Variants in GALNT17 observed in about 807,000 individuals in gnomAD.
GALNT17 encodes UDP-GalNAc:polypeptide N-acetylgalactosaminyltransferase-like 3.
In GALNT17, 29 loss-of-function variants were observed where a neutral mutation model predicts 63.7. The ratio of observed to expected loss-of-function variants is 0.46; its 90% confidence interval spans 0.34 to 0.62. GALNT17 has a LOEUF of 0.62. Ranked by LOEUF, GALNT17 falls within the 20% of genes least tolerant of loss-of-function variation. GALNT17 has a pLI of 0.01. For missense variants in GALNT17, 603 were observed against 799.6 expected, an observed-to-expected ratio of 0.75 and a Z score of 2.97; for synonymous variants, 305 against 318.3, an observed-to-expected ratio of 0.96 and a Z score of 0.45.
chr7:71,666,627 T>TC (rs2117048801), intron 7 of GALNT17, among the ~76,000 whole-genome samples: 1 of 152,102 alleles, frequency 6.6e-6, no homozygotes, highest in East Asian at 1.9e-4. Context: ...ATAGCTTAGC[T>TC]CCCACATATC....
At chr7:71,499,260 A>G (rs1788143029) in intron 5 of GALNT17, among the ~76,000 whole-genome samples, 1 of 152,210 alleles carries the variant, frequency 6.6e-6, no homozygotes, top group Non-Finnish European at 1.5e-5. Context: ...GAGTGGAGTC[A>G]TGATTTACTG....
chr7:71,277,056 G>A (rs373980982), intron 1 of GALNT17, among the ~76,000 whole-genome samples: 4 of 152,012 alleles, frequency 2.6e-5, no homozygotes, highest in Admixed American at 6.6e-5. Context: ...TCTTCATAGC[G>A]GTATGAAAAT....
rs1201680356 is a variant in GALNT17 at position 71,308,199 on chromosome 7, A to G, written c.239-27351A>G. 2.6e-5 allele frequency among the ~76,000 whole-genome samples: 4 copies of G among 152,126 alleles called. 1 individual carries two copies. The highest frequency in any genetic ancestry group is 2.9e-5 in the Non-Finnish European group (2 of 68,030). On this transcript the variant is annotated intron_variant, in intron 1 of 10. Transcript: ENST00000333538. The stretch of plus-strand genomic sequence containing the variant: ...CACTATTCTTGTCGTGGTGACTCAC[A>G]TTTGTCAAGCCTTGAAGGATATTTG...
chr7:71,160,500 C>G (rs576540063), intron 1 of GALNT17, among the ~76,000 whole-genome samples: 46 of 152,282 alleles, frequency 3.0e-4, no homozygotes, highest in African/African-American at 1.0e-3. Context: ...CTCTTGTTGC[C>G]TAGGCTGGAG....
chr7:71,335,810 T>C, intron 2 of GALNT17, 77 bp downstream of exon 2: 1 of 1,252,426 alleles, frequency 8.0e-7, no homozygotes, highest in East Asian at 2.7e-5. Context: ...TGTGATATTT[T>C]CCACTGTTAT....
intron 1 of GALNT17, among the ~76,000 whole-genome samples, chr7:71,178,571 AT>A (rs1442307619): frequency 6.6e-6 from 1 of 151,926 alleles, no homozygotes; most frequent in Non-Finnish European, 1.5e-5. Flanking sequence ...GCTCTGTTCT[AT>A]TTTTTAAGTC....
At chr7:71,271,034 A>G (rs1790579284) in intron 1 of GALNT17, among the ~76,000 whole-genome samples, 1 of 152,130 alleles carries the variant, frequency 6.6e-6, no homozygotes, top group African/African-American at 2.4e-5. Context: ...TTCCATTTAC[A>G]CTTATATAAT....
intron 3 of GALNT17, among the ~76,000 whole-genome samples, chr7:71,414,723 T>G (rs894396809): frequency 2.6e-5 from 4 of 152,226 alleles, no homozygotes; most frequent in African/African-American, 9.6e-5. Context: ...CCAGAACTCC[T>G]GGCATGGTGC....
intron 2 of GALNT17, among the ~76,000 whole-genome samples, chr7:71,345,694 T>C (rs1792078162): frequency 6.6e-6 from 1 of 152,154 alleles, no homozygotes; most frequent in Non-Finnish European, 1.5e-5. Flanking sequence ...ATGTGAGTCC[T>C]GGTCTTATAA....
chr7:71,659,122 A>C (rs10262605), intron 6 of GALNT17, among the ~76,000 whole-genome samples: 96,168 of 152,060 alleles, frequency 0.63, 30,668 homozygotes, highest in East Asian at 0.74. Flanking sequence ...ACCTCCAGGT[A>C]ATTGCCTGGT....
chr7:71,552,168 T>G (rs183693330), intron 5 of GALNT17, among the ~76,000 whole-genome samples: 1 of 151,768 alleles, frequency 6.6e-6, no homozygotes, highest in Non-Finnish European at 1.5e-5. Context: ...CCTCAGCCTC[T>G]TGCATAGCTG....
intron 9 of GALNT17, among the ~76,000 whole-genome samples, chr7:71,708,854 C>T (rs899568904): frequency 2.6e-5 from 4 of 152,088 alleles, no homozygotes; most frequent in Admixed American, 6.5e-5. Flanking sequence ...GAATAATGGC[C>T]TCCAGCTGCA....
intron 1 of GALNT17, among the ~76,000 whole-genome samples, chr7:71,324,635 G>T (rs748289349): frequency 6.6e-6 from 1 of 152,256 alleles, no homozygotes; most frequent in South Asian, 2.1e-4. Flanking sequence ...TGCAGCCTGG[G>T]TGACAGAGTG....
intron 1 of GALNT17, among the ~76,000 whole-genome samples, chr7:71,228,278 A>G (rs1183945842): frequency 6.6e-6 from 1 of 152,124 alleles, no homozygotes; most frequent in Non-Finnish European, 1.5e-5. Context: ...CGTTAAGTCT[A>G]TGCTAGTGGC....
At chr7:71,510,663 G>C (rs961589357) in intron 5 of GALNT17, among the ~76,000 whole-genome samples, 1 of 152,136 alleles carries the variant, frequency 6.6e-6, no homozygotes, top group African/African-American at 2.4e-5. Context: ...TCCTTACCAG[G>C]CTTCCTCTCC....
intron 6 of GALNT17, among the ~76,000 whole-genome samples, chr7:71,573,955 C>T (rs1299896343): frequency 6.6e-6 from 1 of 152,110 alleles, no homozygotes; most frequent in Non-Finnish European, 1.5e-5. Flanking sequence ...TGCATTAATT[C>T]GATTAGGATA....
At chr7:71,319,689 C>T (rs1791568455) in intron 1 of GALNT17, among the ~76,000 whole-genome samples, 1 of 152,202 alleles carries the variant, frequency 6.6e-6, no homozygotes, top group African/African-American at 2.4e-5. Flanking sequence ...TAACCCAAGT[C>T]CCTTTTCTCC....
At chr7:71,597,241 A>G (rs139986386) in intron 6 of GALNT17, among the ~76,000 whole-genome samples, 4,847 of 151,836 alleles carry the variant, frequency 0.032, 265 homozygotes, top group African/African-American at 0.11. Context: ...GGGTTTCACC[A>G]TGTTAGCCAG....
chr7:71,282,021 C>T (rs551055783), intron 1 of GALNT17, among the ~76,000 whole-genome samples: 4 of 152,158 alleles, frequency 2.6e-5, no homozygotes, highest in Non-Finnish European at 5.9e-5. Context: ...TCAATGTTCT[C>T]CAAGCCTCTC....
Sources: allele counts gnomAD v4.1 joint callset (sites outside exome capture counted in the v4.1 genomes callset), GRCh38; gene constraint gnomAD v4.1.1; transcripts MANE v1.5; gene names NCBI Gene and HGNC (gene_info 2026-07-23, HGNC 2026-07-21).